Variants in AOAH observed in about 807,000 individuals in gnomAD.
AOAH encodes the protein acyloxyacyl hydrolase.
In AOAH, 64 loss-of-function variants were observed where a neutral mutation model predicts 92.2. That is an observed-to-expected ratio of 0.69 (90% CI 0.57 to 0.86). AOAH has a LOEUF of 0.86. AOAH is among the 40% of genes least tolerant of loss of function. The pLI is 0.00. For synonymous variants in AOAH, 263 were observed against 254.5 expected (o/e 1.03, Z -0.32); for missense variants, 656 against 694.6 (o/e 0.94, Z 0.62).
At chr7:36,721,511 T>C (rs1384584214) in intron 1 of AOAH, among the ~76,000 whole-genome samples, 3 of 152,190 alleles carry the variant, frequency 2.0e-5, no homozygotes, top group African/African-American at 4.8e-5. Context: ...TCTCAGCACA[T>C]AGGCAGTGCT....
chr7:36,598,853 A>C (rs1286982367), intron 11 of AOAH, among the ~76,000 whole-genome samples: 1 of 152,230 alleles, frequency 6.6e-6, no homozygotes, highest in Admixed American at 6.5e-5. Context: ...AAGATACTTC[A>C]GGCATTTGAG....
At chr7:36,611,809 A>G (rs763244405) in intron 11 of AOAH, among the ~76,000 whole-genome samples, 7 of 152,126 alleles carry the variant, frequency 4.6e-5, no homozygotes, top group Non-Finnish European at 1.0e-4. Context: ...GGTCCGCAAC[A>G]TTTTCATAGA....
At chr7:36,645,040 G>A (rs1794139578) in intron 4 of AOAH, among the ~76,000 whole-genome samples, 1 of 152,160 alleles carries the variant, frequency 6.6e-6, no homozygotes, top group Non-Finnish European at 1.5e-5. Flanking sequence ...AGCAAGATTT[G>A]AAAGATGAGA....
At chr7:36,535,098 T>TGTGTGTG (rs1562543580) in intron 16 of AOAH, among the ~76,000 whole-genome samples, 1 of 114,216 alleles carries the variant, frequency 8.8e-6, no homozygotes, top group Non-Finnish European at 1.9e-5. Context: ...GTGTGTGTGT[T>TGTGTGTG]TGTGTGTGTC....
intron 19 of AOAH, among the ~76,000 whole-genome samples, chr7:36,525,630 A>G (rs531575585): frequency 6.6e-6 from 1 of 152,348 alleles, no homozygotes; most frequent in South Asian, 2.1e-4. Flanking sequence ...AAAATGCTCT[A>G]AAATTCAAAA....
intron 1 of AOAH, among the ~76,000 whole-genome samples, chr7:36,689,728 G>A (rs973981044): frequency 2.6e-5 from 4 of 152,174 alleles, no homozygotes; most frequent in Non-Finnish European, 4.4e-5. Flanking sequence ...TCGGTGGCCT[G>A]AAACAGCCTG....
At position 36,648,541 on chromosome 7, in the gene AOAH, G is replaced by C. The variant is rs908350979; in HGVS notation, c.390+10625C>G. Among the ~76,000 whole-genome samples, 4 of 150,776 alleles carry C rather than the reference G, an allele frequency of 2.7e-5. No individual in the cohort carries two copies. The East Asian group carries it at 7.8e-4, about 29-fold the overall frequency. The stretch of plus-strand genomic sequence containing the variant: ...TCTTTTGACTTTGTGAAGGGGGCAA[G>C]TTTTTACTAGTCAGATGTATTAGTA... On this transcript the variant is annotated intron_variant, in intron 4 of 20. Coordinates refer to ENST00000617537, the MANE Select transcript of AOAH (RefSeq NM_001637.4).
At chr7:36,583,209 G>T (rs539372354) in intron 12 of AOAH, among the ~76,000 whole-genome samples, 31 of 152,262 alleles carry the variant, frequency 2.0e-4, no homozygotes, top group African/African-American at 7.2e-4. Context: ...CAGTAGGGTT[G>T]GTGAGAAATA....
At chr7:36,681,464 C>A (rs139753157) in intron 2 of AOAH, among the ~76,000 whole-genome samples, 56 of 152,102 alleles carry the variant, frequency 3.7e-4, no homozygotes, top group African/African-American at 1.3e-3. Context: ...TTAAAGCCTT[C>A]GCAAGGGAGG....
intron 4 of AOAH, among the ~76,000 whole-genome samples, chr7:36,645,462 A>G (rs1378297330): frequency 6.6e-6 from 1 of 152,248 alleles, no homozygotes; most frequent in Non-Finnish European, 1.5e-5. Flanking sequence ...CAGGCAGATC[A>G]GAAAGAGCCA....
intron 1 of AOAH, among the ~76,000 whole-genome samples, chr7:36,712,153 T>C (rs1203727948): frequency 6.6e-6 from 1 of 152,214 alleles, no homozygotes; most frequent in Non-Finnish European, 1.5e-5. Flanking sequence ...TCTGTCTAAA[T>C]CCTTCCTATT....
chr7:36,522,296 T>G (rs1056556438), intron 19 of AOAH, among the ~76,000 whole-genome samples, 181 bp from the exon 20 acceptor site: 3 of 152,228 alleles, frequency 2.0e-5, no homozygotes, highest in Admixed American at 1.3e-4. Flanking sequence ...TCCCGCTGTG[T>G]GTGTGCTTTT....
intron 1 of AOAH, among the ~76,000 whole-genome samples, chr7:36,723,196 T>G (rs893699686): frequency 5.9e-5 from 9 of 152,116 alleles, no homozygotes; most frequent in African/African-American, 2.2e-4. Flanking sequence ...CATTGAACAA[T>G]TACTTACTAC....
At chr7:36,616,712 G>T (rs4437551) in intron 10 of AOAH, among the ~76,000 whole-genome samples, 2 of 151,968 alleles carry the variant, frequency 1.3e-5, no homozygotes, top group East Asian at 3.8e-4. Context: ...GTGTTTCCCA[G>T]CTCAGCATAA....
At chr7:36,671,514 A>G (rs1795922700) in intron 3 of AOAH, among the ~76,000 whole-genome samples, 1 of 152,220 alleles carries the variant, frequency 6.6e-6, no homozygotes, top group Non-Finnish European at 1.5e-5. Context: ...GGTAAATGCC[A>G]TGCTACGGGC....
chr7:36,612,418 A>T (rs932228644), intron 11 of AOAH, among the ~76,000 whole-genome samples: 1 of 152,218 alleles, frequency 6.6e-6, no homozygotes, highest in African/African-American at 2.4e-5. Flanking sequence ...TTCATTGTAC[A>T]AATATAGTAT....
At chr7:36,513,440 A>C (rs1790159727) in intron 20 of AOAH, 60 bp from the exon 21 acceptor site, 2 of 1,552,346 alleles carry the variant, frequency 1.3e-6, no homozygotes, top group Admixed American at 1.8e-5. Flanking sequence ...ACTTACCAAC[A>C]AGATTTCCCA....
chr7:36,647,908 G>A (rs1379204894), intron 4 of AOAH, among the ~76,000 whole-genome samples: 1 of 151,598 alleles, frequency 6.6e-6, no homozygotes, highest in Non-Finnish European at 1.5e-5. Flanking sequence ...TTGGCTCACA[G>A]CAACCTCCGC....
intron 1 of AOAH, among the ~76,000 whole-genome samples, chr7:36,704,253 C>T (rs1798245079): frequency 6.6e-6 from 1 of 151,966 alleles, no homozygotes; most frequent in African/African-American, 2.4e-5. Context: ...TGGATGTTAG[C>T]CTTTTGTCAG....
Sources: allele counts gnomAD v4.1 joint callset (sites outside exome capture counted in the v4.1 genomes callset), GRCh38; gene constraint gnomAD v4.1.1; transcripts MANE v1.5; gene names NCBI Gene and HGNC (gene_info 2026-07-23, HGNC 2026-07-21).